The following ANXA6 variants were observed in gnomAD, a reference collection of about 807,000 sequenced individuals.
ANXA6 encodes the protein annexin A6.
ANXA6 carries 71 observed loss-of-function variants against 95.4 expected under a neutral mutation model. That is an observed-to-expected ratio of 0.74 (90% CI 0.61 to 0.91). ANXA6 has a LOEUF of 0.91. Among genes scored for constraint, ANXA6 ranks in the 40% least tolerant of loss-of-function variants. The probability of loss-of-function intolerance (pLI) is 0.00; values close to 1 mark genes in which losing one functional copy is unlikely to be tolerated. For missense variants in ANXA6, 830 were observed against 876.4 expected (o/e 0.95, Z 0.67); for synonymous variants, 289 against 315.9 (o/e 0.91, Z 0.90).
intron 24 of ANXA6, among the ~76,000 whole-genome samples, chr5:151,104,586 A>T (rs998144897): frequency 6.6e-6 from 1 of 152,228 alleles, no homozygotes; most frequent in Admixed American, 6.5e-5. Context: ...GGCTTGACAC[A>T]TCGTGAGTGC....
chr5:151,128,428 A>C (rs1051693455), intron 12 of ANXA6, 189 bp from the exon 13 acceptor site: 38 of 572,442 alleles, frequency 6.6e-5, no homozygotes, highest in Admixed American at 8.9e-5. Context: ...GGAAGCCCTA[A>C]TTTATAGCAT....
chr5:151,126,367 T>C, intron 14 of ANXA6, 35 bp downstream of exon 14: 1 of 1,567,028 alleles, frequency 6.4e-7, no homozygotes, highest in Non-Finnish European at 8.7e-7. Flanking sequence ...GAAGCTGTGG[T>C]CAAGAGGTCA....
intron 5 of ANXA6, among the ~76,000 whole-genome samples, chr5:151,137,722 ATGCC>A (rs963130038): frequency 5.3e-5 from 8 of 152,138 alleles, no homozygotes; most frequent in African/African-American, 1.9e-4. Context: ...ACCATGTGAG[ATGCC>A]TGCTCCCTCT....
At chr5:151,110,759 G>A in intron 20 of ANXA6, 115 bp from the exon 21 acceptor site, 2 of 1,166,386 alleles carry the variant, frequency 1.7e-6, no homozygotes, top group Non-Finnish European at 2.5e-6. Context: ...CTGGGAGTGG[G>A]AGAGGTCCCA....
chr5:151,151,393 A>G (rs1766102367), intron 1 of ANXA6: 1 of 152,230 alleles, frequency 6.6e-6, no homozygotes, highest in Non-Finnish European at 1.5e-5. Context: ...AGACGGGGTA[A>G]AGGCATCTCA....
At chr5:151,146,116 C>T (rs1765970064) in intron 2 of ANXA6, among the ~76,000 whole-genome samples, 1 of 152,226 alleles carries the variant, frequency 6.6e-6, no homozygotes, top group African/African-American at 2.4e-5. Flanking sequence ...TCCATGGCAA[C>T]AAGAAACCAC....
At chr5:151,154,479 C>T (rs887604091) in intron 1 of ANXA6, among the ~76,000 whole-genome samples, 16 of 152,124 alleles carry the variant, frequency 1.1e-4, no homozygotes, top group Non-Finnish European at 2.1e-4. Context: ...ATCTTCAGTG[C>T]GTCCTGGGGT....
Position 151,137,272 on chromosome 5 carries a change from G to A in ANXA6, c.368C>T (p.Thr123Ile). The change falls in exon 6 of 26, where the codon ACC becomes ATC. Residue 123 changes from threonine to isoleucine, a missense_variant. Physicochemically the swap from Thr to Ile is moderately conservative, Grantham distance 89. Coordinates refer to ENST00000354546, the MANE Select transcript of ANXA6 (RefSeq NM_001155.5). ...KCLIEILASR[T>I]NEQMHQLVAA... ...CACCAGCTGGTGCATCTGCTCATTG[G>A]TCCGGGAAGCCAAGATCTCAATGAG... is the stretch of plus-strand genomic sequence containing the variant. The A allele has an allele frequency of 1.9e-6, 3 of 1,613,702 alleles. No homozygotes were observed. Among genetic ancestry groups the A allele is most frequent in the Non-Finnish European group, 2.5e-6 (3 of 1,179,814 alleles).
In ANXA6 at chr5:151,132,553, T is replaced by C. The variant is rs1468301487; in HGVS notation, c.659A>G (p.Lys220Arg). The change falls in exon 10 of 26, where the codon AAG becomes AGG. Residue 220 changes from lysine (K) to arginine (R), a missense_variant. Physicochemically the swap from Lys to Arg is conservative, Grantham distance 26 (BLOSUM62 2). Transcript: ENST00000354546. ...GGCTTCAATCGGCTTCCCTGTGGTC[T>C]TCAGATACTCATCGAACACTGCGTC... ...HLRLVFDEYL[K>R]TTGKPIEASI... 2 of 1,613,146 alleles carry C rather than the reference T, an allele frequency of 1.2e-6. No individual in the cohort carries two copies. The highest frequency in any genetic ancestry group is 1.7e-6 in the Non-Finnish European group (2 of 1,179,666).
At position 151,101,376 on chromosome 5, in the gene ANXA6, C is replaced by G. The variant is rs984060507; in HGVS notation, c.*72G>C. 1.2e-6 allele frequency: 1 copy of G among 851,236 alleles called. No homozygotes were observed. Among genetic ancestry groups the G allele is most frequent in the African/African-American group, 1.8e-5 (1 of 54,158 alleles). 52.7% of individuals were successfully genotyped at this position (851,236 alleles called of 1,614,324 possible). A position where few individuals can be genotyped will look rare whatever the true frequency, so the allele number is the denominator to read the frequency against. On this transcript the variant is annotated 3_prime_UTR_variant, in exon 26 of 26. Coordinates refer to ENST00000354546, the MANE Select transcript of ANXA6 (RefSeq NM_001155.5). The stretch of plus-strand genomic sequence containing the variant: ...CCTTCCTTAGTCTCTGGAGCTGGAA[C>G]AATCAGGCTTGGCCATGGCGGCTGG...
chr5:151,116,410 C>T (rs1226548828), intron 20 of ANXA6, among the ~76,000 whole-genome samples: 2 of 152,162 alleles, frequency 1.3e-5, no homozygotes, highest in Non-Finnish European at 2.9e-5. Flanking sequence ...GGGGACAATG[C>T]ACTGGCCTCA....
intron 2 of ANXA6, among the ~76,000 whole-genome samples, chr5:151,142,481 C>T (rs1280041966): frequency 7.5e-6 from 1 of 132,940 alleles, no homozygotes; most frequent in Non-Finnish European, 1.6e-5. Flanking sequence ...GACTCTGTCT[C>T]AAAAAAAAAA....
At chr5:151,136,397 G>GGCCCTGC in intron 6 of ANXA6, 62 bp from the exon 7 acceptor site, 1 of 1,481,722 alleles carries the variant, frequency 6.7e-7, no homozygotes, top group Non-Finnish European at 9.4e-7. Flanking sequence ...TAGGATAAAG[G>GGCCCTGC]GCCCTGCTGC....
intron 17 of ANXA6, 38 bp from the exon 18 acceptor site, chr5:151,119,428 C>A: frequency 6.3e-7 from 1 of 1,587,620 alleles, no homozygotes; most frequent in Non-Finnish European, 8.6e-7. Context: ...AGCCATAGTT[C>A]TGACCTCCTG....
At chr5:151,134,371 T>C in intron 8 of ANXA6, 56 bp downstream of exon 8, 2 of 1,586,286 alleles carry the variant, frequency 1.3e-6, no homozygotes, top group Non-Finnish European at 8.7e-7. Flanking sequence ...CCCCAACCTC[T>C]CCCCTCCCAA....
At chr5:151,155,975 G>A (rs752452616) in intron 1 of ANXA6, among the ~76,000 whole-genome samples, 16 of 152,200 alleles carry the variant, frequency 1.1e-4, no homozygotes, top group Admixed American at 5.9e-4. Flanking sequence ...TTCATCCCAG[G>A]AGTCAGTCTC....
intron 17 of ANXA6, 71 bp from the exon 18 acceptor site, chr5:151,119,461 A>G: frequency 7.3e-7 from 1 of 1,360,574 alleles, no homozygotes. Context: ...TGGGGCCCGG[A>G]CGGCTAAAGC....
intron 23 of ANXA6, among the ~76,000 whole-genome samples, chr5:151,107,613 T>C (rs4958894): frequency 0.69 from 104,920 of 151,712 alleles, 36,387 homozygotes; most frequent in Admixed American, 0.71. Context: ...CTTCCACGGA[T>C]ACCTCTTGGT....
At chr5:151,157,225 T>C (rs1489635190) in intron 1 of ANXA6, among the ~76,000 whole-genome samples, 2 of 152,164 alleles carry the variant, frequency 1.3e-5, no homozygotes, top group African/African-American at 4.8e-5. Flanking sequence ...CAAGCCATTT[T>C]ATAAGCAGCT....
Sources: gnomAD v4.1 joint callset for allele counts (sites outside exome capture counted in the v4.1 genomes callset) on GRCh38, gnomAD v4.1.1 for gene constraint, MANE v1.5 for transcripts, NCBI Gene and HGNC (gene_info 2026-07-23, HGNC 2026-07-21) for gene names.